Variants in GLIS3 observed in about 807,000 individuals in gnomAD.
The protein encoded by GLIS3 is GLIS family zinc finger 3, also known as zinc finger protein GLIS3.
In GLIS3, 53 loss-of-function variants were observed where a neutral mutation model predicts 78.6. The ratio of observed to expected loss-of-function variants is 0.67; its 90% CI spans 0.54 to 0.85. GLIS3 has a LOEUF of 0.85. Among genes scored for constraint, GLIS3 ranks in the 40% least tolerant of loss-of-function variants. The probability of loss-of-function intolerance (pLI) is 0.00; values close to 1 mark genes in which losing one functional copy is unlikely to be tolerated. For synonymous variants in GLIS3, 684 were observed against 509.9 expected, an observed-to-expected ratio of 1.34 and a Z score of -4.60; for missense variants, 1,703 against 1,231.1, an observed-to-expected ratio of 1.38 and a Z score of -5.74.
intron 4 of GLIS3, among the ~76,000 whole-genome samples, chr9:4,001,943 C>T (rs966529467): frequency 6.6e-6 from 1 of 152,138 alleles, no homozygotes; most frequent in Non-Finnish European, 1.5e-5. Flanking sequence ...CTCACTAGTC[C>T]CACTGTGATA....
intron 4 of GLIS3, among the ~76,000 whole-genome samples, chr9:4,069,609 C>A (rs573132596): frequency 4.6e-5 from 7 of 152,008 alleles, no homozygotes; most frequent in Non-Finnish European, 8.8e-5. Flanking sequence ...AAAACAGTTT[C>A]TTTTTTTCAA....
chr9:4,351,857 C>CA (rs1817975965), upstream of GLIS3, among the ~76,000 whole-genome samples: 1 of 150,460 alleles, frequency 6.6e-6, no homozygotes. Context: ...AATGAATGCA[C>CA]AGTTTTCTTA....
chr9:3,909,319 G>T (rs879390409), intron 6 of GLIS3, among the ~76,000 whole-genome samples: 1 of 152,128 alleles, frequency 6.6e-6, no homozygotes, highest in Non-Finnish European at 1.5e-5. Flanking sequence ...CCATCTCTAG[G>T]GGATTCCTTA....
chr9:4,361,673 T>C, the GLIS3 span, among the ~76,000 whole-genome samples: 4 of 152,202 alleles, frequency 2.6e-5, no homozygotes, highest in African/African-American at 9.7e-5. Flanking sequence ...CCATAAGCAG[T>C]TGTGATTTGA....
At chr9:4,399,115 T>C in the GLIS3 span, among the ~76,000 whole-genome samples, 1 of 152,232 alleles carries the variant, frequency 6.6e-6, no homozygotes, top group Admixed American at 6.5e-5. Context: ...AGGATGATTA[T>C]AGTTAACACT....
At chr9:4,235,026 C>G (rs548545889) in intron 2 of GLIS3, among the ~76,000 whole-genome samples, 3 of 152,024 alleles carry the variant, frequency 2.0e-5, no homozygotes, top group African/African-American at 7.2e-5. Flanking sequence ...GAGCCAGGCG[C>G]GGTGGCTCAC....
chr9:4,425,801 GCCT>G, the GLIS3 span, among the ~76,000 whole-genome samples: 1 of 152,198 alleles, frequency 6.6e-6, no homozygotes, highest in African/African-American at 2.4e-5. Flanking sequence ...CACCAAGCAG[GCCT>G]CCACTGATGC....
At chr9:4,199,078 AG>A (rs1819127320) in intron 2 of GLIS3, among the ~76,000 whole-genome samples, 1 of 152,256 alleles carries the variant, frequency 6.6e-6, no homozygotes, top group South Asian at 2.1e-4. Context: ...AAACATGGAA[AG>A]GAAAGAACTA....
the GLIS3 span, among the ~76,000 whole-genome samples, chr9:4,408,667 C>T: frequency 1.6e-5 from 2 of 128,732 alleles, no homozygotes; most frequent in African/African-American, 3.2e-5. Context: ...GCGGAGCTTG[C>T]AGTGAGCCGA....
chr9:4,369,330 G>C, the GLIS3 span, among the ~76,000 whole-genome samples: 1 of 152,194 alleles, frequency 6.6e-6, no homozygotes, highest in Non-Finnish European at 1.5e-5. Flanking sequence ...CTCTGACATG[G>C]AATAAAAATA....
chr9:4,259,319 G>A (rs917587504), intron 2 of GLIS3, among the ~76,000 whole-genome samples: 3 of 151,776 alleles, frequency 2.0e-5, no homozygotes, highest in African/African-American at 7.3e-5. Context: ...AGAGCCCCCA[G>A]TCCACTACTA....
intron 2 of GLIS3, among the ~76,000 whole-genome samples, chr9:4,317,643 G>C (rs559204392): frequency 6.6e-6 from 1 of 152,268 alleles, no homozygotes; most frequent in Admixed American, 6.5e-5. Flanking sequence ...GATTCTAAAT[G>C]TATCTTTTTT....
chr9:4,399,116 A>G, the GLIS3 span, among the ~76,000 whole-genome samples: 2 of 152,224 alleles, frequency 1.3e-5, no homozygotes, highest in African/African-American at 2.4e-5. Context: ...GGATGATTAT[A>G]GTTAACACTA....
At chr9:4,321,156 C>T (rs1190922184) in intron 2 of GLIS3, among the ~76,000 whole-genome samples, 2 of 151,372 alleles carry the variant, frequency 1.3e-5, no homozygotes, top group East Asian at 1.9e-4. Context: ...CGCGGTGGCT[C>T]ACGCCTGTAA....
intron 8 of GLIS3, among the ~76,000 whole-genome samples, chr9:3,866,029 G>C (rs1820554024): frequency 6.6e-6 from 1 of 152,182 alleles, no homozygotes; most frequent in Non-Finnish European, 1.5e-5. Flanking sequence ...GTCCGAAGCA[G>C]ATTGTGGAGG....
intron 4 of GLIS3, among the ~76,000 whole-genome samples, chr9:4,077,681 C>T (rs942756806): frequency 2.0e-5 from 3 of 152,102 alleles, no homozygotes; most frequent in African/African-American, 4.8e-5. Context: ...TCGGCCTCTA[C>T]CAACAGGGGG....
rs1477416210 is a variant in GLIS3, at chr9:3,977,176, C to G, written c.1711-39987G>C. Among the ~76,000 whole-genome samples, 1 of 152,158 alleles carries G rather than the reference C, an allele frequency of 6.6e-6. No homozygotes were observed. Among genetic ancestry groups the G allele is most frequent in the Non-Finnish European group, 1.5e-5 (1 of 68,020 alleles). Reference sequence around the variant, plus strand: ...CACTCGATACCGAATGCTTACAACTCCCAAGCCGGGAGAAATATTGTCAGT... The same window carrying G: ...CACTCGATACCGAATGCTTACAACTGCCAAGCCGGGAGAAATATTGTCAGT... On this transcript the variant is annotated intron_variant, in intron 4 of 10. Transcript: ENST00000381971. The surrounding 1 kb of genome is among the most constrained non-coding windows in gnomAD (Gnocchi z 4.1).
intron 2 of GLIS3, chr9:4,152,070 G>C (rs1277475192): frequency 6.6e-6 from 6 of 912,874 alleles, no homozygotes; most frequent in Non-Finnish European, 7.9e-6. Flanking sequence ...ATCTCACCTA[G>C]ACAACAAACA....
intron 2 of GLIS3, among the ~76,000 whole-genome samples, chr9:4,133,946 C>T (rs1004008995): frequency 5.3e-5 from 8 of 151,982 alleles, no homozygotes; most frequent in Non-Finnish European, 8.8e-5. Context: ...TATCCATTTT[C>T]TCTTTCTCTC....
Sources: gnomAD v4.1 joint callset for allele counts (sites outside exome capture counted in the v4.1 genomes callset) on GRCh38, gnomAD v4.1.1 for gene constraint, Gnocchi (gnomAD v3.1) non-coding constraint, MANE v1.5 for transcripts, NCBI Gene and HGNC (gene_info 2026-07-23, HGNC 2026-07-21) for gene names.